Variants in PDE4D observed in about 807,000 individuals in gnomAD.
PDE4D encodes 3',5'-cyclic-AMP phosphodiesterase 4D.
In PDE4D, 24 loss-of-function variants were observed where a neutral mutation model predicts 87.4. The observed-to-expected ratio is 0.27, with a 90% CI of 0.20 to 0.39. The LOEUF is 0.39. Among genes scored for constraint, PDE4D ranks in the 10% least tolerant of loss-of-function variants. The probability of loss-of-function intolerance (pLI) is 1.00; values close to 1 mark genes in which losing one functional copy is unlikely to be tolerated. For missense variants in PDE4D, 714 were observed against 1,041.0 expected, an observed-to-expected ratio of 0.69 and a Z score of 4.32; for synonymous variants, 384 against 383.2, an observed-to-expected ratio of 1.00 and a Z score of -0.02.
intron 6 of PDE4D, among the ~76,000 whole-genome samples, chr5:59,015,937 T>C (rs1014685583): frequency 1.3e-5 from 2 of 152,178 alleles, no homozygotes; most frequent in Non-Finnish European, 2.9e-5. Flanking sequence ...TGGAATACTA[T>C]GCAGCCATAA....
intron 1 of PDE4D, among the ~76,000 whole-genome samples, chr5:60,325,099 T>C (rs1756663669): frequency 6.6e-6 from 1 of 152,198 alleles, no homozygotes; most frequent in African/African-American, 2.4e-5. Context: ...TATTATATTC[T>C]AAGCCTTAAA....
intron 2 of PDE4D, among the ~76,000 whole-genome samples, chr5:60,175,135 CTT>C (rs1274233917): frequency 6.6e-6 from 1 of 151,938 alleles, no homozygotes; most frequent in East Asian, 1.9e-4. Flanking sequence ...TATTTCCACT[CTT>C]TTTTCTGTTT....
intron 2 of PDE4D, among the ~76,000 whole-genome samples, chr5:60,181,508 C>T (rs1784373180): frequency 6.6e-6 from 1 of 152,092 alleles, no homozygotes; most frequent in South Asian, 2.1e-4. Flanking sequence ...CACTGAACAA[C>T]AATTCTATCA....
intron 5 of PDE4D, among the ~76,000 whole-genome samples, chr5:59,161,546 G>A (rs1781096933): frequency 6.6e-6 from 1 of 152,100 alleles, no homozygotes; most frequent in Non-Finnish European, 1.5e-5. Flanking sequence ...GATCCTAAAT[G>A]TTTCTTATCA....
At chr5:59,860,949 C>G (rs1442635855) in intron 1 of PDE4D, among the ~76,000 whole-genome samples, 1 of 151,910 alleles carries the variant, frequency 6.6e-6, no homozygotes, top group Non-Finnish European at 1.5e-5. Flanking sequence ...ACCTCTGCCT[C>G]CCGGGTTCAA....
At chr5:59,231,977 G>T (rs974660457) in intron 1 of PDE4D, among the ~76,000 whole-genome samples, 5 of 152,128 alleles carry the variant, frequency 3.3e-5, no homozygotes, top group Non-Finnish European at 7.3e-5. Flanking sequence ...AGTTACAGAG[G>T]ATCAGCTCAA....
intron 2 of PDE4D, among the ~76,000 whole-genome samples, chr5:60,003,389 A>C (rs1414319045): frequency 6.6e-6 from 1 of 152,054 alleles, no homozygotes; most frequent in Non-Finnish European, 1.5e-5. Flanking sequence ...TGAAACCAAA[A>C]AAGACCCTGA....
intron 1 of PDE4D, among the ~76,000 whole-genome samples, chr5:59,683,230 T>G (rs955817706): frequency 1.1e-4 from 16 of 152,238 alleles, no homozygotes; most frequent in Admixed American, 2.0e-4. Context: ...GATACATAGA[T>G]GATTAGATAG....
intron 2 of PDE4D, among the ~76,000 whole-genome samples, chr5:60,013,556 A>T (rs2152846472): frequency 6.6e-6 from 1 of 152,316 alleles, no homozygotes. Flanking sequence ...AGCAAATAAG[A>T]ATCCCAGAAG....
intron 1 of PDE4D, among the ~76,000 whole-genome samples, chr5:59,621,798 C>A (rs1162605160): frequency 6.6e-6 from 1 of 152,106 alleles, no homozygotes; most frequent in African/African-American, 2.4e-5. Flanking sequence ...GATAAATCAG[C>A]AAAGAACAAG....
intron 1 of PDE4D, among the ~76,000 whole-genome samples, chr5:59,564,400 T>C (rs1820551191): frequency 6.6e-6 from 1 of 152,082 alleles, no homozygotes; most frequent in African/African-American, 2.4e-5. Context: ...TGAGAGAGAA[T>C]CTCCCTTGGA....
Position 59,293,014 on chromosome 5 carries a change from T to C in PDE4D, c.456-77046A>G, listed in dbSNP as rs1168750367. On this transcript the variant is annotated intron_variant, in intron 1 of 14. Transcript: ENST00000340635. ...TTTATTGTTACAAGGGTTTTATTCATGATCCAGCTCATACTTAGTATCATA... is the reference window on the plus strand; with the variant it reads ...TTTATTGTTACAAGGGTTTTATTCACGATCCAGCTCATACTTAGTATCATA... Among the ~76,000 whole-genome samples the C allele has an allele frequency of 1.3e-4, 20 of 152,206 alleles. 1 individual carries two copies. The highest frequency in any genetic ancestry group is 3.8e-4 in the East Asian group (2 of 5,196).
chr5:60,429,967 GTA>G, intron 1 of PDE4D: 2 of 518,740 alleles, frequency 3.9e-6, no homozygotes, highest in Non-Finnish European at 7.7e-6. Flanking sequence ...GGCAACCAAA[GTA>G]TAGAGCTTGT....
chr5:59,541,136 G>C (rs1816267523), intron 1 of PDE4D, among the ~76,000 whole-genome samples: 1 of 152,094 alleles, frequency 6.6e-6, no homozygotes, highest in Non-Finnish European at 1.5e-5. Context: ...CCTCTACTAG[G>C]CTCTTTTAGG....
chr5:59,525,790 T>C (rs886192743), intron 1 of PDE4D, among the ~76,000 whole-genome samples: 7 of 152,160 alleles, frequency 4.6e-5, no homozygotes, highest in African/African-American at 1.7e-4. Context: ...TCTCAGGAGA[T>C]CTGATAGTTC....
chr5:59,668,839 GGAAGAGGAAGAAGAAGAAGAAGAAGAA>G (rs1746598606), intron 1 of PDE4D, among the ~76,000 whole-genome samples: 1 of 59,146 alleles, frequency 1.7e-5, no homozygotes, highest in Non-Finnish European at 3.2e-5. Flanking sequence ...AAGAGGAAGA[GGAAGAGGAAGAAGAAGAAGAAGAAGAA>G]GAAGAAGAAG....
At chr5:59,055,499 G>C (rs1039697220) in intron 5 of PDE4D, among the ~76,000 whole-genome samples, 1 of 152,048 alleles carries the variant, frequency 6.6e-6, no homozygotes, top group Non-Finnish European at 1.5e-5. Context: ...TCTTTTGTCA[G>C]CAAGTTTCCT....
chr5:60,398,277 T>C (rs555870512), intron 1 of PDE4D, among the ~76,000 whole-genome samples: 1 of 152,138 alleles, frequency 6.6e-6, no homozygotes, highest in Non-Finnish European at 1.5e-5. Context: ...CACAACACAT[T>C]GGCCAAATCA....
At chr5:60,054,216 C>A (rs759493008) in intron 2 of PDE4D, among the ~76,000 whole-genome samples, 6 of 152,118 alleles carry the variant, frequency 3.9e-5, no homozygotes, top group Non-Finnish European at 5.9e-5. Flanking sequence ...AATCATTCTA[C>A]TGTAAAGACA....
Sources: allele counts gnomAD v4.1 joint callset (sites outside exome capture counted in the v4.1 genomes callset), GRCh38; gene constraint gnomAD v4.1.1; transcripts MANE v1.5; gene names NCBI Gene and HGNC (gene_info 2026-07-23, HGNC 2026-07-21).